Variants in ELAPOR1 observed in about 807,000 individuals in gnomAD.
ELAPOR1 encodes endosome/lysosome-associated apoptosis and autophagy regulator 1.
In ELAPOR1, 77 loss-of-function variants were observed where a neutral mutation model predicts 119.7. The observed-to-expected ratio is 0.64, with a 90% confidence interval of 0.54 to 0.78. The LOEUF (loss-of-function observed/expected upper bound fraction) is 0.78. ELAPOR1 is among the 30% of genes least tolerant of loss of function. ELAPOR1 has a pLI of 0.00. For missense variants in ELAPOR1, 1,115 were observed against 1,270.4 expected (o/e 0.88, Z 1.86); for synonymous variants, 481 against 487.2 (o/e 0.99, Z 0.17).
intron 1 of ELAPOR1, among the ~76,000 whole-genome samples, chr1:109,134,533 A>C (rs184283224): frequency 1.3e-5 from 2 of 152,196 alleles, no homozygotes; most frequent in East Asian, 3.9e-4. Flanking sequence ...CCCTCTGTGT[A>C]ACATAAAAAA....
rs1262908151 is a variant in ELAPOR1, at chr1:109,159,085, A to C, written c.154-2809A>C. 2.0e-5 allele frequency among the ~76,000 whole-genome samples: 3 copies of C among 151,822 alleles called. No homozygotes were observed. The East Asian group carries it at 5.8e-4, about 29-fold the overall frequency. ...ATTTTTGTATTTTTAGTAGAGACAG[A>C]GTTTCACCATGTTGGTCAGGCTGGT... On this transcript the variant is annotated intron_variant, in intron 1 of 21. Coordinates refer to ENST00000369939, the MANE Select transcript of ELAPOR1 (RefSeq NM_020775.5).
chr1:109,114,146 C>T lies in ELAPOR1; in HGVS notation c.-38C>T. The T allele has an allele frequency of 6.7e-7, 1 of 1,500,056 alleles. No individual in the cohort carries two copies. The highest frequency in any genetic ancestry group is 8.9e-7 in the Non-Finnish European group (1 of 1,119,552). The allele number at this position is 1,500,056 out of a possible 1,614,324, so 92.9% of individuals were successfully genotyped here. ...CTGCCAGCAGAAGCAGCAGCCGCAG[C>T]ACCTGAGCCGCTACTGCCGCTCACT... On this transcript the variant is annotated 5_prime_UTR_variant, in exon 1 of 22. Coordinates refer to ENST00000369939, the MANE Select transcript of ELAPOR1 (RefSeq NM_020775.5).
intron 7 of ELAPOR1, among the ~76,000 whole-genome samples, chr1:109,184,782 C>T (rs1409106413): frequency 6.6e-6 from 1 of 152,226 alleles, no homozygotes; most frequent in African/African-American, 2.4e-5. Flanking sequence ...TCCCTTGCCC[C>T]ATGGGGCGGG....
chr1:109,149,062 G>T (rs535780216), intron 1 of ELAPOR1, among the ~76,000 whole-genome samples: 11 of 152,178 alleles, frequency 7.2e-5, no homozygotes, highest in Non-Finnish European at 1.5e-4. Context: ...TAGCTCTGGG[G>T]AGTTGCTAGG....
At position 109,188,232 on chromosome 1, in the gene ELAPOR1, G is replaced by T. The variant is rs773207484; in HGVS notation, c.1097G>T (p.Gly366Val). Residue 366 changes from glycine to valine, a missense_variant, in exon 9 of 22, where the codon GGG becomes GTG. Gly to Val is a moderately radical substitution (Grantham distance 109). Transcript: ENST00000369939. The stretch of plus-strand genomic sequence containing the variant: ...AAAATCTGTAGCGAGGACCTTGAGG[G>T]GGCAGTGAAGCTGCCTGCCTCTGGT... ...KPKICSEDLEGAVKLPASGVK... is the reference protein window; with the variant it reads ...KPKICSEDLEVAVKLPASGVK... The T allele has an allele frequency of 6.2e-7, 1 of 1,613,986 alleles. No homozygotes were observed. Among genetic ancestry groups the T allele is most frequent in the East Asian group, 2.2e-5 (1 of 44,884 alleles).
chr1:109,155,582 T>C (rs1432609629), intron 1 of ELAPOR1, among the ~76,000 whole-genome samples: 1 of 152,072 alleles, frequency 6.6e-6, no homozygotes, highest in African/African-American at 2.4e-5. Flanking sequence ...TATTTTATAA[T>C]AAAATAAAAA....
At chr1:109,185,017 A>G (rs1479162010) in intron 7 of ELAPOR1, 28 bp from the exon 8 acceptor site, 1 of 1,588,132 alleles carries the variant, frequency 6.3e-7, no homozygotes, top group Non-Finnish European at 8.6e-7. Context: ...TGTAACTCCA[A>G]ATATTTCTTC....
At chr1:109,186,059 A>G (rs1382160609) in intron 8 of ELAPOR1, among the ~76,000 whole-genome samples, 1 of 151,568 alleles carries the variant, frequency 6.6e-6, no homozygotes, top group African/African-American at 2.4e-5. Flanking sequence ...AGCAAATGGT[A>G]GTAAGTGGTA....
At chr1:109,190,374 G>T (rs1301162949) in intron 11 of ELAPOR1, among the ~76,000 whole-genome samples, 1 of 152,226 alleles carries the variant, frequency 6.6e-6, no homozygotes, top group African/African-American at 2.4e-5. Flanking sequence ...GATAAGCTGA[G>T]AACTGGAGGT....
rs577670630 is a variant in ELAPOR1, at chr1:109,163,304, CTT to C, written c.275-1193_275-1192del. ...TAGGCTGCAGGGAAATCGTGGAAAA[CTT>C]TGAATGCCAGGCCAAGAGCATAATT... On this transcript the variant is annotated intron_variant, in intron 2 of 21. Coordinates refer to ENST00000369939, the MANE Select transcript of ELAPOR1 (RefSeq NM_020775.5). Among the ~76,000 whole-genome samples the C allele has an allele frequency of 9.5e-4, 144 of 152,298 alleles. No homozygotes were observed. The Middle Eastern group carries it at 0.031, about 32-fold the overall frequency.
At chr1:109,178,428 G>A (rs898149702) in intron 7 of ELAPOR1, among the ~76,000 whole-genome samples, 2 of 152,210 alleles carry the variant, frequency 1.3e-5, no homozygotes, top group African/African-American at 4.8e-5. Flanking sequence ...GTCAGTGAGA[G>A]ACTGGGAAAT....
intron 1 of ELAPOR1, among the ~76,000 whole-genome samples, chr1:109,152,823 G>A (rs766723082): frequency 6.8e-4 from 103 of 151,536 alleles, no homozygotes; most frequent in Non-Finnish European, 1.2e-3. Context: ...GTGCATGCCT[G>A]TAATCCCAGC....
chr1:109,144,061 A>ATATTTTT, intron 1 of ELAPOR1, among the ~76,000 whole-genome samples: 47 of 88,980 alleles, frequency 5.3e-4, no homozygotes, highest in East Asian at 1.5e-3. Flanking sequence ...ATATTTATAT[A>ATATTTTT]TTTTTTTTTT....
At chr1:109,129,371 G>C (rs572335141) in intron 1 of ELAPOR1, among the ~76,000 whole-genome samples, 20 of 152,206 alleles carry the variant, frequency 1.3e-4, no homozygotes, top group African/African-American at 3.4e-4. Context: ...TTAGCTGGGC[G>C]TGGTGGCACA....
chr1:109,114,779 G>A (rs562963334), intron 1 of ELAPOR1, among the ~76,000 whole-genome samples: 1 of 152,310 alleles, frequency 6.6e-6, no homozygotes, highest in South Asian at 2.1e-4. Flanking sequence ...GAGCGAAGTG[G>A]TTTTATCATG....
rs1209736056 is a variant in ELAPOR1, at chr1:109,200,048, C to T, written c.2629-11C>T. On this transcript the variant is annotated splice_polypyrimidine_tract_variant and intron_variant, in intron 19 of 21. Coordinates refer to ENST00000369939, the MANE Select transcript of ELAPOR1 (RefSeq NM_020775.5). ...TGGGAGATCTGAGTTCCTTGTTTTT[C>T]TCCCCAACAGAAGACTACTTACGTG... 6.2e-7 allele frequency: 1 copy of T among 1,613,042 alleles called. No homozygotes were observed. The highest frequency in any genetic ancestry group is 2.2e-5 in the East Asian group (1 of 44,848).
chr1:109,184,608 A>G (rs935309759), intron 7 of ELAPOR1, among the ~76,000 whole-genome samples: 11 of 152,242 alleles, frequency 7.2e-5, no homozygotes, highest in African/African-American at 2.7e-4. Context: ...ACACTTCAGG[A>G]GTAGAAAAAC....
At chr1:109,198,287 G>T (rs1010790539) in intron 17 of ELAPOR1, among the ~76,000 whole-genome samples, 2 of 152,210 alleles carry the variant, frequency 1.3e-5, no homozygotes, top group African/African-American at 4.8e-5. Flanking sequence ...GAGGCAAGGA[G>T]AAATATTGGA....
chr1:109,128,620 T>C (rs1466052403), intron 1 of ELAPOR1, among the ~76,000 whole-genome samples: 1 of 152,226 alleles, frequency 6.6e-6, no homozygotes, highest in African/African-American at 2.4e-5. Flanking sequence ...GGCCTGAGCC[T>C]TTCTGGTAAA....
Sources: gnomAD v4.1 joint callset for allele counts (sites outside exome capture counted in the v4.1 genomes callset) on GRCh38, gnomAD v4.1.1 for gene constraint, MANE v1.5 for transcripts, NCBI Gene and HGNC (gene_info 2026-07-23, HGNC 2026-07-21) for gene names.